The following KMT2C variants were observed in gnomAD, a reference collection of about 807,000 sequenced individuals.
KMT2C encodes lysine methyltransferase 2C.
KMT2C carries 88 observed loss-of-function variants against 507.9 expected under a neutral mutation model. The observed-to-expected ratio is 0.17, with a 90% confidence interval of 0.15 to 0.21. The LOEUF (loss-of-function observed/expected upper bound fraction) is 0.21. Among genes scored for constraint, KMT2C ranks in the 10% least tolerant of loss-of-function variants. The pLI is 1.00. For synonymous variants in KMT2C, 2,049 were observed against 2,080.8 expected, an observed-to-expected ratio of 0.98 and a Z score of 0.42; for missense variants, 4,954 against 5,957.8, an observed-to-expected ratio of 0.83 and a Z score of 5.55.
rs772141315 is a variant in KMT2C at position 152,181,696 on chromosome 7, T to C, written c.6164A>G (p.Asp2055Gly). 2.5e-6 allele frequency: 4 copies of C among 1,613,954 alleles called. No individual in the cohort carries two copies. The African/African-American group carries it at 4.0e-5, about 16-fold the overall frequency. ...TPMQPPPSSQDPYGSVSQASR... is the reference protein window; with the variant it reads ...TPMQPPPSSQGPYGSVSQASR... ...TGCCTGTGACACTGATCCATAAGGA[T>C]CCTGAGAGGATGGAGGAGGTTGCAT... is the stretch of plus-strand genomic sequence containing the variant. The change falls in exon 36 of 59, where the codon GAT becomes GGT. Residue 2055 changes from aspartate to glycine, a missense_variant. Asp to Gly is a moderately conservative substitution (Grantham distance 94). This residue lies in a region of KMT2C where 1,689 missense variants were observed against 1,654.3 expected (regional missense o/e 1.02). Transcript: ENST00000262189.
intron 56 of KMT2C, 137 bp from the exon 57 acceptor site, chr7:152,139,396 G>A: frequency 1.3e-6 from 1 of 748,016 alleles, no homozygotes; most frequent in Non-Finnish European, 2.2e-6. Flanking sequence ...ATTCTATTAG[G>A]CACAGATGAC....
At chr7:152,259,377 G>A (rs150724892) in intron 9 of KMT2C, among the ~76,000 whole-genome samples, 20 of 150,606 alleles carry the variant, frequency 1.3e-4, no homozygotes, top group African/African-American at 3.4e-4. Context: ...AAGGCACAAC[G>A]TATGTAATTA....
intron 20 of KMT2C, among the ~76,000 whole-genome samples, chr7:152,223,241 A>G (rs895236640): frequency 4.6e-5 from 7 of 152,182 alleles, no homozygotes; most frequent in African/African-American, 1.7e-4. Flanking sequence ...CAATATACCA[A>G]TGAAAGCAAG....
At chr7:152,178,185 T>G (rs1308285007) in intron 37 of KMT2C, among the ~76,000 whole-genome samples, 175 bp from the exon 38 acceptor site, 2 of 152,098 alleles carry the variant, frequency 1.3e-5, no homozygotes, top group African/African-American at 4.8e-5. Context: ...AGTATTCATA[T>G]GCAAGTAAGA....
intron 3 of KMT2C, among the ~76,000 whole-genome samples, chr7:152,318,177 C>T (rs2096739153): frequency 6.6e-6 from 1 of 151,826 alleles, no homozygotes; most frequent in African/African-American, 2.4e-5. Flanking sequence ...TATACAGTGA[C>T]TAAAAAACAT....
chr7:152,401,231 C>T (rs2097570914), intron 1 of KMT2C, among the ~76,000 whole-genome samples: 1 of 151,980 alleles, frequency 6.6e-6, no homozygotes, highest in African/African-American at 2.4e-5. Context: ...GGATAACAGG[C>T]ATACGCCACC....
intron 2 of KMT2C, among the ~76,000 whole-genome samples, chr7:152,344,794 T>C (rs2097038701): frequency 6.6e-6 from 1 of 151,974 alleles, no homozygotes; most frequent in Non-Finnish European, 1.5e-5. Context: ...GAGACCATCC[T>C]GGCTAACACA....
At chr7:152,296,997 A>AAAAAAGAAAG (rs2096505995) in intron 6 of KMT2C, among the ~76,000 whole-genome samples, 1 of 58,948 alleles carries the variant, frequency 1.7e-5, no homozygotes, top group Non-Finnish European at 3.7e-5. Context: ...GAAAGAAAGA[A>AAAAAAGAAAG]AAAGAAAGAA....
At chr7:152,169,319 G>C (rs1420206644) in intron 40 of KMT2C, 70 bp from the exon 41 acceptor site, 1 of 806,522 alleles carries the variant, frequency 1.2e-6, no homozygotes, top group Admixed American at 2.3e-5. Context: ...AACTTTAAAA[G>C]AAAGAAAGAA....
intron 25 of KMT2C, among the ~76,000 whole-genome samples, chr7:152,204,040 A>G (rs1300667650): frequency 1.3e-5 from 2 of 151,742 alleles, no homozygotes; most frequent in Non-Finnish European, 2.9e-5. Flanking sequence ...GACAGGCCAG[A>G]GGTGACTTGC....
chr7:152,138,939 A>C lies in KMT2C; in HGVS notation c.14535-35T>G. ...ACCATGTCAGAAAACTGTATTGTAAAACAGCTAGAAGCAGCTTTAAAAACT... is the reference window on the plus strand; with the variant it reads ...ACCATGTCAGAAAACTGTATTGTAACACAGCTAGAAGCAGCTTTAAAAACT... On this transcript the variant is annotated intron_variant, in intron 57 of 58. Coordinates refer to ENST00000262189, the MANE Select transcript of KMT2C (RefSeq NM_170606.3). This position sits in a 1 kb window ranked among gnomAD's most constrained non-coding sequence, Gnocchi z 4.2. The C allele has an allele frequency of 1.3e-6, 2 of 1,498,442 alleles. No individual in the cohort carries two copies. Among genetic ancestry groups the C allele is most frequent in the Non-Finnish European group, 1.9e-6 (2 of 1,074,710 alleles). The allele number at this position is 1,498,442 out of a possible 1,614,324, so 92.8% of individuals were successfully genotyped here. A position where few individuals can be genotyped will look rare whatever the true frequency, so the allele number is the denominator to read the frequency against.
chr7:152,334,326 C>T (rs978991735), intron 2 of KMT2C, among the ~76,000 whole-genome samples: 3 of 152,168 alleles, frequency 2.0e-5, no homozygotes, highest in African/African-American at 7.2e-5. Flanking sequence ...GTGGTGCGTG[C>T]CTGTAATCCC....
At chr7:152,237,827 A>G (rs1393848783) in intron 15 of KMT2C, among the ~76,000 whole-genome samples, 1 of 152,186 alleles carries the variant, frequency 6.6e-6, no homozygotes, top group Non-Finnish European at 1.5e-5. Context: ...AAATTGGTAT[A>G]AAAGATTTTT....
At chr7:152,275,980 T>C (rs2096072816) in intron 6 of KMT2C, among the ~76,000 whole-genome samples, 1 of 152,256 alleles carries the variant, frequency 6.6e-6, no homozygotes, top group East Asian at 1.9e-4. Context: ...AGCTTCTCAA[T>C]GTCTTTCTCA....
At chr7:152,175,173 T>G (rs1362824714) in intron 38 of KMT2C, among the ~76,000 whole-genome samples, 3 of 146,664 alleles carry the variant, frequency 2.0e-5, no homozygotes, top group Non-Finnish European at 4.5e-5. Flanking sequence ...TGAGACAGAG[T>G]CTCACTCTGT....
chr7:152,265,298 T>C, intron 7 of KMT2C, 89 bp from the exon 8 acceptor site: 7 of 1,556,280 alleles, frequency 4.5e-6, no homozygotes, highest in South Asian at 1.2e-5. Flanking sequence ...AGGATTTGCA[T>C]CATGAACCTT....
chr7:152,138,423 G>A lies in KMT2C; in HGVS notation c.14643+373C>T, dbSNP rs538086065. ...CCAACAGTGCCATCTCAGGAGCCAC[G>A]GCCCCCTTGGAGAAGGACGGGGATG... On this transcript the variant is annotated intron_variant, in intron 58 of 58. Transcript: ENST00000262189. This position sits in a 1 kb window ranked among gnomAD's most constrained non-coding sequence, Gnocchi z 4.2. The A allele has an allele frequency of 3.4e-5, 6 of 174,196 alleles. 1 individual carries two copies. The highest frequency in any genetic ancestry group is 2.2e-4 in the Admixed American group (4 of 18,464). 10.8% of individuals were successfully genotyped at this position (174,196 alleles called of 1,614,324 possible).
intron 2 of KMT2C, among the ~76,000 whole-genome samples, chr7:152,342,976 G>A (rs978094201): frequency 6.6e-6 from 1 of 152,046 alleles, no homozygotes; most frequent in Non-Finnish European, 1.5e-5. Context: ...GGCAGGGTGG[G>A]GAGGAAGAGT....
chr7:152,220,514 T>G lies in KMT2C; in HGVS notation c.3712+9A>C. The G allele has an allele frequency of 6.3e-7, 1 of 1,577,718 alleles. No homozygotes were observed. Among genetic ancestry groups the G allele is most frequent in the Non-Finnish European group, 8.7e-7 (1 of 1,148,792 alleles). Reference sequence around the variant, plus strand: ...CACACATATTTCATGGAAAATAAATTAGTATTACCTCGACTATCATCCATT... The same window carrying G: ...CACACATATTTCATGGAAAATAAATGAGTATTACCTCGACTATCATCCATT... On this transcript the variant is annotated intron_variant, in intron 23 of 58. Coordinates refer to ENST00000262189, the MANE Select transcript of KMT2C (RefSeq NM_170606.3).
Sources: gnomAD v4.1 joint callset for allele counts (sites outside exome capture counted in the v4.1 genomes callset) on GRCh38, gnomAD v4.1.1 for gene constraint, gnomAD v4.1.1 regional missense constraint, Gnocchi (gnomAD v3.1) non-coding constraint, MANE v1.5 for transcripts, NCBI Gene and HGNC (gene_info 2026-07-23, HGNC 2026-07-21) for gene names.